Variants in COBLL1 observed in about 807,000 individuals in gnomAD.
COBLL1 encodes the protein cordon-bleu WH2 repeat protein like 1.
In COBLL1, 50 loss-of-function variants were observed where a neutral mutation model predicts 94.8. That is an observed-to-expected ratio of 0.53 (90% CI 0.42 to 0.67). The LOEUF is 0.67. Ranked by LOEUF, COBLL1 falls within the 30% of genes least tolerant of loss-of-function variation. COBLL1 has a pLI of 0.00. For synonymous variants in COBLL1, 448 were observed against 473.8 expected (o/e 0.95, Z 0.71); for missense variants, 1,362 against 1,348.7 (o/e 1.01, Z -0.15).
At chr2:164,728,521 T>G (rs1054580166) in intron 4 of COBLL1, among the ~76,000 whole-genome samples, 1 of 152,068 alleles carries the variant, frequency 6.6e-6, no homozygotes, top group African/African-American at 2.4e-5. Context: ...ACTTTAAAAT[T>G]AGCAAATATA....
intron 3 of COBLL1, among the ~76,000 whole-genome samples, chr2:164,739,576 T>C (rs993942896): frequency 1.3e-5 from 2 of 152,306 alleles, no homozygotes; most frequent in African/African-American, 4.8e-5. Context: ...AAAATAAATA[T>C]ACAAGAAATA....
At chr2:164,817,611 T>C (rs1177733909) in intron 2 of COBLL1, among the ~76,000 whole-genome samples, 3 of 152,094 alleles carry the variant, frequency 2.0e-5, no homozygotes, top group Non-Finnish European at 4.4e-5. Context: ...CAACTCCCAT[T>C]ATATCCTTCA....
Position 164,684,848 on chromosome 2 carries a change from T to C in COBLL1, c.*1098A>G, listed in dbSNP as rs1028182161. ...AGTTTTAGTGAAAACAAATTTAATATCATCTTGTTTGAACAAAGCTTTCAG... is the reference window on the plus strand; with the variant it reads ...AGTTTTAGTGAAAACAAATTTAATACCATCTTGTTTGAACAAAGCTTTCAG... On this transcript the variant is annotated 3_prime_UTR_variant, in exon 14 of 14. Coordinates refer to ENST00000652658, the MANE Select transcript of COBLL1 (RefSeq NM_001365672.2). The C allele has an allele frequency of 1.3e-5, 2 of 152,018 alleles. No homozygotes were observed. Among genetic ancestry groups the C allele is most frequent in the Non-Finnish European group, 2.9e-5 (2 of 67,982 alleles). The allele number at this position is 152,018 out of a possible 1,614,324, so 9.4% of individuals were successfully genotyped here. A position where few individuals can be genotyped will look rare whatever the true frequency, so the allele number is the denominator to read the frequency against.
At chr2:164,779,615 C>T in intron 2 of COBLL1, 1 of 468,584 alleles carries the variant, frequency 2.1e-6, no homozygotes, top group South Asian at 1.6e-5. Flanking sequence ...GGACGCTTCC[C>T]AGCCTCCCAC....
In COBLL1 at chr2:164,734,026, T is replaced by C. The variant is rs115562345; in HGVS notation, c.231-3911A>G. Among the ~76,000 whole-genome samples the C allele has an allele frequency of 2.9e-3, 445 of 152,220 alleles. 3 individuals carry two copies. The highest frequency in any genetic ancestry group is 4.9e-3 in the Non-Finnish European group (331 of 68,010). ...GCTGGGAACTTGTTAGAAATGCAAA[T>C]TGTCAAGCCCCAGCCCAGATCATTA... On this transcript the variant is annotated intron_variant, in intron 3 of 13. Coordinates refer to ENST00000652658, the MANE Select transcript of COBLL1 (RefSeq NM_001365672.2).
intron 2 of COBLL1, among the ~76,000 whole-genome samples, chr2:164,771,117 T>G (rs560695607): frequency 3.2e-4 from 49 of 152,116 alleles, no homozygotes; most frequent in African/African-American, 1.1e-3. Context: ...ATATAAAAAT[T>G]TTATCTCAAA....
downstream of COBLL1, among the ~76,000 whole-genome samples, chr2:164,678,207 T>A (rs2105391522): frequency 6.6e-6 from 1 of 152,284 alleles, no homozygotes; most frequent in South Asian, 2.1e-4. Context: ...AGGCTTATTA[T>A]AAAGTTACAG....
chr2:164,746,291 T>A (rs1267330505), intron 2 of COBLL1, among the ~76,000 whole-genome samples: 2 of 152,182 alleles, frequency 1.3e-5, no homozygotes, highest in East Asian at 1.9e-4. Flanking sequence ...ACCAGAGTGA[T>A]CTTTTTAAAA....
Position 164,700,696 on chromosome 2 carries a change from A to G in COBLL1, c.1286T>C (p.Val429Ala). 6.2e-7 allele frequency: 1 copy of G among 1,613,576 alleles called. No homozygotes were observed. The highest frequency in any genetic ancestry group is 8.5e-7 in the Non-Finnish European group (1 of 1,179,594). ...AATATTTTCAGCTTCAACTTTAGGCACTTCACTCAGTTCTTCCTTTTCATC... is the reference window on the plus strand; with the variant it reads ...AATATTTTCAGCTTCAACTTTAGGCGCTTCACTCAGTTCTTCCTTTTCATC... ...EIDEKEELSE[V>A]PKVEAENISP... Residue 429 changes from valine to alanine, a missense_variant, in exon 10 of 14, where the codon GTG (valine) becomes GCG (alanine). By Grantham distance (64) the Val-to-Ala change is moderately conservative (BLOSUM62 0). Transcript: ENST00000652658.
chr2:164,674,138 G>A (rs1025047837), intron 1 of COBLL1, among the ~76,000 whole-genome samples: 10 of 152,032 alleles, frequency 6.6e-5, no homozygotes, highest in Admixed American at 2.6e-4. Flanking sequence ...TTGGCTCATT[G>A]CAACCTCCAC....
At chr2:164,776,400 G>A (rs355877) in intron 2 of COBLL1, among the ~76,000 whole-genome samples, 35,380 of 151,646 alleles carry the variant, frequency 0.23, 4,785 homozygotes, top group African/African-American at 0.37. Context: ...AGCACCCCCC[G>A]TCTTAGAGGC....
intron 5 of COBLL1, among the ~76,000 whole-genome samples, chr2:164,725,829 T>C (rs1190583466): frequency 6.6e-6 from 1 of 152,186 alleles, no homozygotes; most frequent in African/African-American, 2.4e-5. Flanking sequence ...GCAAGTCAGG[T>C]TAAACAGTAA....
intron 2 of COBLL1, among the ~76,000 whole-genome samples, chr2:164,661,838 T>G (rs1274505589): frequency 1.3e-5 from 2 of 152,210 alleles, no homozygotes; most frequent in African/African-American, 4.8e-5. Context: ...ATTATTTGTG[T>G]TTTTCAACAA....
intron 13 of COBLL1, among the ~76,000 whole-genome samples, chr2:164,686,274 T>A (rs552572754): frequency 6.6e-6 from 1 of 151,580 alleles, no homozygotes; most frequent in South Asian, 2.1e-4. Context: ...CTGTACAGAA[T>A]TACCAAATCA....
chr2:164,743,282 A>C (rs1558973007), intron 3 of COBLL1: 1 of 155,972 alleles, frequency 6.4e-6, no homozygotes, highest in Non-Finnish European at 1.4e-5. Context: ...AAACTTAAAG[A>C]AGCAGCTTAA....
chr2:164,691,775 C>T (rs1195695131), intron 13 of COBLL1, among the ~76,000 whole-genome samples: 4 of 152,124 alleles, frequency 2.6e-5, no homozygotes, highest in African/African-American at 9.7e-5. Flanking sequence ...AGATATTCTG[C>T]ACTTTTTTTT....
At chr2:164,679,828 C>G (rs141361385), downstream of COBLL1, among the ~76,000 whole-genome samples, 173 of 151,854 alleles carry the variant, frequency 1.1e-3, 1 homozygote, top group African/African-American at 4.0e-3. Context: ...AGAGAAATAT[C>G]TAATGTAGAC....
intron 5 of COBLL1, chr2:164,727,263 G>A (rs1446540700): frequency 1.3e-5 from 6 of 469,610 alleles, no homozygotes; most frequent in East Asian, 3.4e-5. Context: ...ACCACCTCAG[G>A]ATAAATTTTG....
At chr2:164,739,853 C>T (rs964510047) in intron 3 of COBLL1, among the ~76,000 whole-genome samples, 1 of 152,118 alleles carries the variant, frequency 6.6e-6, no homozygotes, top group Non-Finnish European at 1.5e-5. Context: ...TTGAACATTT[C>T]TTTTTGTTGT....
Sources: allele counts gnomAD v4.1 joint callset (sites outside exome capture counted in the v4.1 genomes callset), GRCh38; gene constraint gnomAD v4.1.1; transcripts MANE v1.5; gene names NCBI Gene and HGNC (gene_info 2026-07-23, HGNC 2026-07-21).